The following SIAH3 variants were observed in gnomAD, a reference collection of about 807,000 sequenced individuals.
SIAH3 encodes the protein seven in absentia homolog 3.
SIAH3 carries 9 observed loss-of-function variants against 12.6 expected under a neutral mutation model. The ratio of observed to expected loss-of-function variants is 0.72; its 90% CI spans 0.43 to 1.25. The LOEUF is 1.25. Among genes scored for constraint, SIAH3 ranks in the 50% most tolerant of loss-of-function variants. The pLI is 0.00. For synonymous variants in SIAH3, 154 were observed against 151.1 expected, an observed-to-expected ratio of 1.02 and a Z score of -0.14; for missense variants, 390 against 365.4, an observed-to-expected ratio of 1.07 and a Z score of -0.55.
intron 1 of SIAH3, among the ~76,000 whole-genome samples, chr13:45,786,421 G>A (rs1267460698): frequency 6.6e-6 from 1 of 152,180 alleles, no homozygotes; most frequent in African/African-American, 2.4e-5. Flanking sequence ...ACTTGCCAAA[G>A]TCACACAGCT....
chr13:45,851,617 T>C lies in SIAH3; in HGVS notation c.13A>G (p.Thr5Ala). The C allele has an allele frequency of 6.2e-7, 1 of 1,614,002 alleles. No individual in the cohort carries two copies. Among genetic ancestry groups the C allele is most frequent in the Non-Finnish European group, 8.5e-7 (1 of 1,179,998 alleles). Residue 5 changes from threonine to alanine, a missense_variant, in exon 1 of 2, where the codon ACC becomes GCC. By Grantham distance (58) the Thr-to-Ala change is moderately conservative. Transcript: ENST00000400405. MLFF[T>A]QCFGAVLDLI... ...TCTAATACAGCCCCAAAGCACTGGG[T>C]AAAGAAAAGCATCACAACTTTTGGG...
At chr13:45,840,421 T>C (rs1011551483) in intron 1 of SIAH3, among the ~76,000 whole-genome samples, 33 of 152,254 alleles carry the variant, frequency 2.2e-4, no homozygotes, top group African/African-American at 7.5e-4. Flanking sequence ...GGTAAATCAC[T>C]TAGCACAGTG....
intron 1 of SIAH3, among the ~76,000 whole-genome samples, chr13:45,831,552 C>G (rs1435258425): frequency 6.6e-6 from 1 of 152,158 alleles, no homozygotes; most frequent in Non-Finnish European, 1.5e-5. Flanking sequence ...ACTGGGGAAG[C>G]TATGGTGGGC....
intron 1 of SIAH3, among the ~76,000 whole-genome samples, chr13:45,806,455 G>C (rs1256031799): frequency 2.0e-5 from 3 of 152,132 alleles, no homozygotes; most frequent in Non-Finnish European, 4.4e-5. Context: ...ATTAAGCGAA[G>C]TAATGCAGGA....
chr13:45,797,800 C>A (rs1413934817), intron 1 of SIAH3, among the ~76,000 whole-genome samples: 2 of 152,244 alleles, frequency 1.3e-5, no homozygotes, highest in Non-Finnish European at 2.9e-5. Context: ...ATCCTTCTTC[C>A]TTCACAAAAG....
rs201981470 is a variant in SIAH3 at position 45,837,818 on chromosome 13, TG to T, written c.135+13676del. Among the ~76,000 whole-genome samples the T allele has an allele frequency of 5.0e-3, 755 of 152,332 alleles. 9 individuals carry two copies. Among genetic ancestry groups the T allele is most frequent in the East Asian group, 0.042 (217 of 5,190 alleles). On this transcript the variant is annotated intron_variant, in intron 1 of 1. Transcript: ENST00000400405. The stretch of plus-strand genomic sequence containing the variant: ...TAACTTGCCAAGCATCTCATAGATA[TG>T]AATATTAGAACTAAATTTGAAGCCA...
intron 1 of SIAH3, among the ~76,000 whole-genome samples, chr13:45,790,537 G>T (rs1950542652): frequency 6.6e-6 from 1 of 152,194 alleles, no homozygotes; most frequent in East Asian, 1.9e-4. Flanking sequence ...TGGCTGACAA[G>T]CGTTAGCTGA....
chr13:45,850,874 C>A (rs994497113), intron 1 of SIAH3, among the ~76,000 whole-genome samples: 1 of 150,102 alleles, frequency 6.7e-6, no homozygotes, highest in African/African-American at 2.4e-5. Flanking sequence ...GTACACAGAG[C>A]GCATCTAACC....
chr13:45,832,818 C>T (rs1950704421), intron 1 of SIAH3, among the ~76,000 whole-genome samples: 1 of 152,232 alleles, frequency 6.6e-6, no homozygotes, highest in Non-Finnish European at 1.5e-5. Context: ...AATTCCTCCA[C>T]ACCCTCAGAA....
rs58182320 is a variant in SIAH3 at position 45,782,004 on chromosome 13, A to AG, written c.*1378dup. ...TCTGCAGTGTCTGGAGAGCAGCCAG[A>AG]GGGGGGGGACAAATGCGATAAAAAG... On this transcript the variant is annotated 3_prime_UTR_variant, in exon 2 of 2. Coordinates refer to ENST00000400405, the MANE Select transcript of SIAH3 (RefSeq NM_198849.3). 0.084 allele frequency: 12,688 copies of AG among 151,272 alleles called. 598 individuals are homozygous for AG. The highest frequency in any genetic ancestry group is 0.16 in the East Asian group (838 of 5,092). The allele number at this position is 151,272 out of a possible 1,614,324, so 9.4% of individuals were successfully genotyped here.
chr13:45,800,591 C>G (rs754653939), intron 1 of SIAH3, among the ~76,000 whole-genome samples: 1 of 152,234 alleles, frequency 6.6e-6, no homozygotes, highest in Non-Finnish European at 1.5e-5. Context: ...AAGCAGCTTG[C>G]TTTGTTGTTG....
At chr13:45,830,391 C>T (rs909059990) in intron 1 of SIAH3, among the ~76,000 whole-genome samples, 1 of 152,224 alleles carries the variant, frequency 6.6e-6, no homozygotes, top group African/African-American at 2.4e-5. Flanking sequence ...CAGAGAGAGA[C>T]CTAGAAAGGG....
At chr13:45,845,825 G>A (rs1262593380) in intron 1 of SIAH3, among the ~76,000 whole-genome samples, 1 of 152,112 alleles carries the variant, frequency 6.6e-6, no homozygotes, top group Non-Finnish European at 1.5e-5. Context: ...GGGTGAGGGA[G>A]TGAGGAAGGA....
chr13:45,809,904 A>G (rs1950610828), intron 1 of SIAH3, among the ~76,000 whole-genome samples: 1 of 152,250 alleles, frequency 6.6e-6, no homozygotes, highest in South Asian at 2.1e-4. Flanking sequence ...ACAAAACAAA[A>G]TGAACAAAGC....
chr13:45,824,072 A>G lies in SIAH3; in HGVS notation c.135+27423T>C, dbSNP rs75538100. Among the ~76,000 whole-genome samples, 1,066 of 152,334 alleles carry G rather than the reference A, an allele frequency of 7.0e-3. 12 individuals carry two copies. The highest frequency in any genetic ancestry group is 0.024 in the African/African-American group (989 of 41,564). ...AATAGTCTACATTTTAGGCCTTACA[A>G]AGGTCAAAGATCCATTCTCATCTGT... On this transcript the variant is annotated intron_variant, in intron 1 of 1. Coordinates refer to ENST00000400405, the MANE Select transcript of SIAH3 (RefSeq NM_198849.3).
At chr13:45,845,821 G>A (rs1026867655) in intron 1 of SIAH3, among the ~76,000 whole-genome samples, 1 of 152,052 alleles carries the variant, frequency 6.6e-6, no homozygotes, top group African/African-American at 2.4e-5. Context: ...GAAGGGGTGA[G>A]GGAGTGAGGA....
chr13:45,826,612 A>G (rs879523276), intron 1 of SIAH3, among the ~76,000 whole-genome samples: 3 of 152,080 alleles, frequency 2.0e-5, no homozygotes, highest in Non-Finnish European at 4.4e-5. Context: ...CCTCCTGTTC[A>G]TGTTGCAGCC....
chr13:45,812,318 A>G (rs1357100091), intron 1 of SIAH3, among the ~76,000 whole-genome samples: 1 of 152,196 alleles, frequency 6.6e-6, no homozygotes, highest in Non-Finnish European at 1.5e-5. Context: ...AGCCCATTTT[A>G]TAGACAAGGA....
intron 1 of SIAH3, among the ~76,000 whole-genome samples, chr13:45,807,619 A>G (rs536215408): frequency 9.2e-5 from 14 of 152,228 alleles, no homozygotes; most frequent in Non-Finnish European, 1.8e-4. Flanking sequence ...TAGAAGCAAG[A>G]GAGAACTTAG....
Sources: gnomAD v4.1 joint callset for allele counts (sites outside exome capture counted in the v4.1 genomes callset) on GRCh38, gnomAD v4.1.1 for gene constraint, MANE v1.5 for transcripts, NCBI Gene and HGNC (gene_info 2026-07-23, HGNC 2026-07-21) for gene names.